The following PPP2R2D variants were observed in gnomAD, a reference collection of about 807,000 sequenced individuals.
The protein encoded by PPP2R2D is protein phosphatase 2 regulatory subunit Bdelta, also known as serine/threonine-protein phosphatase 2A 55 kDa regulatory subunit B delta isoform.
A neutral mutation model predicts 31.1 loss-of-function variants in PPP2R2D; 9 were observed. That is an observed-to-expected ratio of 0.29 (90% CI 0.17 to 0.51). The LOEUF is 0.51. PPP2R2D is among the 20% of genes least tolerant of loss of function. The pLI, the probability that PPP2R2D is intolerant of heterozygous loss-of-function variation, is 0.98. For missense variants in PPP2R2D, 391 were observed against 465.6 expected (o/e 0.84, Z 1.48); for synonymous variants, 179 against 172.6 (o/e 1.04, Z -0.29).
At chr10:131,936,469 T>G (rs577822557) in intron 3 of PPP2R2D, among the ~76,000 whole-genome samples, 8 of 152,348 alleles carry the variant, frequency 5.3e-5, no homozygotes, top group African/African-American at 1.9e-4. Flanking sequence ...TTTAACAAAT[T>G]GTTGAGTCAT....
intron 2 of PPP2R2D, among the ~76,000 whole-genome samples, chr10:131,920,438 T>C (rs1554894071): frequency 6.6e-6 from 1 of 151,718 alleles, no homozygotes; most frequent in Non-Finnish European, 1.5e-5. Context: ...GACACAGTGT[T>C]TGTGGGGACC....
chr10:131,963,033 C>T (rs907722157), downstream of PPP2R2D, among the ~76,000 whole-genome samples: 14 of 152,260 alleles, frequency 9.2e-5, no homozygotes, highest in African/African-American at 2.9e-4. Flanking sequence ...GATGTGGTGG[C>T]GGACGCTTGT....
chr10:131,970,602 A>G, the PPP2R2D span: 2 of 1,607,104 alleles, frequency 1.2e-6, no homozygotes, highest in South Asian at 2.2e-5. The surrounding 1 kb of genome is among the most constrained non-coding windows in gnomAD (Gnocchi z 4.1). Flanking sequence ...GCCCCACGAC[A>G]TGCCATGACA....
intron 8 of PPP2R2D, among the ~76,000 whole-genome samples, chr10:131,949,531 G>A (rs572289969): frequency 5.3e-5 from 8 of 152,268 alleles, no homozygotes; most frequent in African/African-American, 1.4e-4. Context: ...AAAAGCCACC[G>A]TGAGCAAGTC....
rs144630198 is a variant in PPP2R2D at position 131,915,041 on chromosome 10, T to G, written c.100+13711T>G. Among the ~76,000 whole-genome samples the G allele has an allele frequency of 2.0e-5, 3 of 152,220 alleles. No individual in the cohort carries two copies. The East Asian group carries it at 5.8e-4, about 29-fold the overall frequency. On this transcript the variant is annotated intron_variant, in intron 2 of 8. Coordinates refer to ENST00000455566, the MANE Select transcript of PPP2R2D (RefSeq NM_018461.5). The stretch of plus-strand genomic sequence containing the variant: ...CTGTTGTGCTCCGGTTTTCTGGAAT[T>G]TTAATGGTTTTAGGCTGCCATTTTG...
chr10:131,909,779 G>A (rs2035653060), intron 2 of PPP2R2D, among the ~76,000 whole-genome samples: 1 of 152,162 alleles, frequency 6.6e-6, no homozygotes, highest in Non-Finnish European at 1.5e-5. Flanking sequence ...GTTTGTGCTG[G>A]TTATCGCTGT....
rs781939093 is a variant in PPP2R2D at position 131,945,472 on chromosome 10, G to T, written c.820+13G>T. 6.3e-7 allele frequency: 1 copy of T among 1,592,976 alleles called. No individual in the cohort carries two copies. Among genetic ancestry groups the T allele is most frequent in the South Asian group, 1.1e-5 (1 of 88,926 alleles). Reference sequence around the variant, plus strand: ...AGACACTCCAAGTGTAAGTGCGTCTGTTGTTGAGATGGAGTCTGGCTCTGT... The same window carrying T: ...AGACACTCCAAGTGTAAGTGCGTCTTTTGTTGAGATGGAGTCTGGCTCTGT... On this transcript the variant is annotated intron_variant, in intron 7 of 8. Transcript: ENST00000455566. The surrounding 1 kb of genome is among the most constrained non-coding windows in gnomAD (Gnocchi z 4.8).
chr10:131,915,775 G>A (rs1028769083), intron 2 of PPP2R2D, among the ~76,000 whole-genome samples: 2 of 152,174 alleles, frequency 1.3e-5, no homozygotes, highest in Admixed American at 6.6e-5. Flanking sequence ...TGTTGACTTC[G>A]TTTATGGTAA....
At chr10:131,952,757 G>A (rs371824553) in intron 8 of PPP2R2D, among the ~76,000 whole-genome samples, 7 of 96,234 alleles carry the variant, frequency 7.3e-5, no homozygotes, top group African/African-American at 1.4e-4. Context: ...GCGGGTGTGC[G>A]GGGGGTTCAC....
intron 3 of PPP2R2D, chr10:131,934,866 C>T (rs1554896232): frequency 2.1e-6 from 1 of 472,942 alleles, no homozygotes; most frequent in African/African-American, 2.0e-5. Flanking sequence ...GCGGCTCTCT[C>T]TGAAAATCCC....
intron 5 of PPP2R2D, among the ~76,000 whole-genome samples, chr10:131,941,534 G>A (rs1467022860): frequency 1.3e-5 from 2 of 152,160 alleles, no homozygotes; most frequent in African/African-American, 4.8e-5. Context: ...TTGTTTGGGT[G>A]GTTGGGTGGT....
chr10:131,918,534 G>C (rs2035877836), intron 2 of PPP2R2D, among the ~76,000 whole-genome samples: 1 of 148,866 alleles, frequency 6.7e-6, no homozygotes. Context: ...CCGGTGGAAT[G>C]ACACAGTGTA....
At chr10:131,928,314 C>G (rs370216528) in intron 2 of PPP2R2D, among the ~76,000 whole-genome samples, 1 of 152,156 alleles carries the variant, frequency 6.6e-6, no homozygotes. Flanking sequence ...GCAGTGGCCT[C>G]GCGAGCAGCA....
intron 2 of PPP2R2D, among the ~76,000 whole-genome samples, chr10:131,908,032 A>G (rs2035625139): frequency 6.6e-6 from 1 of 152,190 alleles, no homozygotes; most frequent in African/African-American, 2.4e-5. Context: ...TGTTAAGATC[A>G]AACAATGTGC....
chr10:131,937,518 C>T (rs139705166), intron 3 of PPP2R2D, among the ~76,000 whole-genome samples: 2 of 152,082 alleles, frequency 1.3e-5, no homozygotes, highest in African/African-American at 4.8e-5. Context: ...GAGCGGCACT[C>T]CATGAGATCT....
chr10:131,949,772 AG>A (rs1484114799), intron 8 of PPP2R2D, among the ~76,000 whole-genome samples: 1 of 146,194 alleles, frequency 6.8e-6, no homozygotes, highest in East Asian at 2.0e-4. Context: ...GAGACTGGAA[AG>A]GAGTCAGAGA....
intron 2 of PPP2R2D, among the ~76,000 whole-genome samples, chr10:131,905,309 G>T (rs922227564): frequency 3.3e-5 from 5 of 152,134 alleles, no homozygotes; most frequent in African/African-American, 1.2e-4. Flanking sequence ...ACGATGTTGC[G>T]GTTCTAAACG....
At chr10:131,949,305 C>G (rs559204334) in intron 8 of PPP2R2D, among the ~76,000 whole-genome samples, 1 of 152,250 alleles carries the variant, frequency 6.6e-6, no homozygotes, top group South Asian at 2.1e-4. Context: ...CACACCTGCA[C>G]TTTGACTAGA....
chr10:131,938,750 G>A (rs992144319), intron 3 of PPP2R2D, among the ~76,000 whole-genome samples: 5 of 152,172 alleles, frequency 3.3e-5, no homozygotes, highest in Admixed American at 2.0e-4. Context: ...TTATCTCAGC[G>A]GCTTCGTGGT....
Sources: gnomAD v4.1 joint callset for allele counts (sites outside exome capture counted in the v4.1 genomes callset) on GRCh38, gnomAD v4.1.1 for gene constraint, Gnocchi (gnomAD v3.1) non-coding constraint, MANE v1.5 for transcripts, NCBI Gene and HGNC (gene_info 2026-07-23, HGNC 2026-07-21) for gene names.